Variants in NCOA2 observed in about 807,000 individuals in gnomAD.
NCOA2 encodes the protein class E basic helix-loop-helix protein 75.
In NCOA2, 21 loss-of-function variants were observed where a neutral mutation model predicts 145.1. The observed-to-expected ratio is 0.14, with a 90% CI of 0.10 to 0.21. The LOEUF is 0.21. NCOA2 is among the 10% of genes least tolerant of loss of function. The pLI is 1.00. For synonymous variants in NCOA2, 619 were observed against 637.5 expected (o/e 0.97, Z 0.44); for missense variants, 1,472 against 1,837.6 (o/e 0.80, Z 3.64).
At chr8:70,120,282 C>T (rs1397416827) in intron 22 of NCOA2, among the ~76,000 whole-genome samples, 3 of 152,208 alleles carry the variant, frequency 2.0e-5, no homozygotes, top group African/African-American at 7.2e-5. Context: ...TAAAGGGCCA[C>T]ATAGGCCCAT....
intron 4 of NCOA2, among the ~76,000 whole-genome samples, chr8:70,182,147 C>A (rs952646945): frequency 2.0e-5 from 3 of 152,220 alleles, no homozygotes; most frequent in Non-Finnish European, 4.4e-5. Context: ...CATTAATGCA[C>A]TATATATCAT....
At chr8:70,207,489 A>G (rs1389512752) in intron 4 of NCOA2, among the ~76,000 whole-genome samples, 1 of 152,264 alleles carries the variant, frequency 6.6e-6, no homozygotes, top group African/African-American at 2.4e-5. Flanking sequence ...TTCATTAGCC[A>G]TATAAGCCAT....
At chr8:70,447,271 C>T in the NCOA2 span, among the ~76,000 whole-genome samples, 9 of 152,142 alleles carry the variant, frequency 5.9e-5, no homozygotes, top group Non-Finnish European at 1.3e-4. Context: ...AGGAGCATAG[C>T]CCTCAGTCGC....
intron 12 of NCOA2, among the ~76,000 whole-genome samples, chr8:70,146,957 C>G (rs1353151095): frequency 6.6e-6 from 1 of 152,108 alleles, no homozygotes; most frequent in East Asian, 1.9e-4. Flanking sequence ...TCCCCAAGTG[C>G]TGGGATTACA....
chr8:70,296,263 A>G (rs1827086229), intron 2 of NCOA2, among the ~76,000 whole-genome samples: 1 of 152,222 alleles, frequency 6.6e-6, no homozygotes, highest in Non-Finnish European at 1.5e-5. Context: ...AAGCTATTTT[A>G]CACAGGTTGG....
At chr8:70,168,017 T>C (rs1813823745) in intron 6 of NCOA2, among the ~76,000 whole-genome samples, 1 of 152,152 alleles carries the variant, frequency 6.6e-6, no homozygotes, top group African/African-American at 2.4e-5. Flanking sequence ...CTGGGGACAG[T>C]AGGACAATAG....
rs369401104 is a variant in NCOA2, at chr8:70,296,318, A to T, written c.-20+426T>A. On this transcript the variant is annotated intron_variant, in intron 2 of 22. Coordinates refer to ENST00000452400, the MANE Select transcript of NCOA2 (RefSeq NM_006540.4). ...TGCATTTTATAACATCTACCCCTGT[A>T]AGTCTGAGATTTGCTGCTAAAATCT... Among the ~76,000 whole-genome samples, 66 of 152,330 alleles carry T rather than the reference A, an allele frequency of 4.3e-4. 2 individuals carry two copies. In the South Asian group the frequency reaches 0.014, roughly 32 times the overall value.
At chr8:70,439,309 G>A in the NCOA2 span, among the ~76,000 whole-genome samples, 4 of 152,126 alleles carry the variant, frequency 2.6e-5, no homozygotes, top group Non-Finnish European at 5.9e-5. Context: ...AGTAGTGGCC[G>A]CATGGACAAA....
chr8:70,198,079 G>C (rs1464059247), intron 4 of NCOA2, among the ~76,000 whole-genome samples: 1 of 152,170 alleles, frequency 6.6e-6, no homozygotes, highest in Non-Finnish European at 1.5e-5. Context: ...GGAATAACAG[G>C]TGTGAGTAAT....
At chr8:70,215,235 C>T (rs1165538322) in intron 3 of NCOA2, among the ~76,000 whole-genome samples, 1 of 152,098 alleles carries the variant, frequency 6.6e-6, no homozygotes, top group Non-Finnish European at 1.5e-5. Flanking sequence ...CCACCCTCCA[C>T]CCATGCCCTC....
At chr8:70,132,982 G>A (rs978619187) in intron 15 of NCOA2, among the ~76,000 whole-genome samples, 2 of 152,166 alleles carry the variant, frequency 1.3e-5, no homozygotes, top group Non-Finnish European at 2.9e-5. Flanking sequence ...AAGATAATTG[G>A]TGATGAAATC....
intron 22 of NCOA2, among the ~76,000 whole-genome samples, chr8:70,120,468 C>A (rs1057016687): frequency 9.2e-5 from 14 of 152,298 alleles, no homozygotes; most frequent in Admixed American, 6.5e-4. Context: ...CGCCTATAAT[C>A]CCAGCACTTT....
At chr8:70,242,999 A>G (rs76191859) in intron 2 of NCOA2, among the ~76,000 whole-genome samples, 19 of 152,176 alleles carry the variant, frequency 1.2e-4, no homozygotes, top group Non-Finnish European at 1.8e-4. Context: ...CGCTACCTGG[A>G]CTTCAACACC....
intron 1 of NCOA2, among the ~76,000 whole-genome samples, chr8:70,304,469 A>G (rs1013458999): frequency 1.3e-5 from 2 of 148,746 alleles, no homozygotes; most frequent in South Asian, 2.1e-4. Flanking sequence ...GACTATATGC[A>G]TATTTTTTTT....
chr8:70,287,136 C>G lies in NCOA2; in HGVS notation c.-20+9608G>C, dbSNP rs115278805. Among the ~76,000 whole-genome samples the G allele has an allele frequency of 5.9e-3, 893 of 152,144 alleles. 5 individuals carry two copies. The highest frequency in any genetic ancestry group is 0.02 in the African/African-American group (833 of 41,498). ...GTATACACCTGTAATCTCAGCTAATCAGGACACTGAGGCAGGAGGATCAAT... is the reference window on the plus strand; with the variant it reads ...GTATACACCTGTAATCTCAGCTAATGAGGACACTGAGGCAGGAGGATCAAT... On this transcript the variant is annotated intron_variant, in intron 2 of 22. Transcript: ENST00000452400.
At chr8:70,169,808 A>G (rs564580865) in intron 6 of NCOA2, among the ~76,000 whole-genome samples, 157 of 152,330 alleles carry the variant, frequency 1.0e-3, no homozygotes, top group African/African-American at 3.6e-3. Context: ...TAGTTGCCAT[A>G]TAAGTACTTT....
chr8:70,227,591 T>C lies in NCOA2; in HGVS notation c.-19-10827A>G, dbSNP rs144893278. ...CAAATTCCTAAAAACTTACTCTTCG[T>C]CAGATCATTACAATTATTCTGAACA... On this transcript the variant is annotated intron_variant, in intron 2 of 22. Transcript: ENST00000452400. 2.6e-5 allele frequency among the ~76,000 whole-genome samples: 4 copies of C among 152,338 alleles called. No individual in the cohort carries two copies. The East Asian group carries it at 7.7e-4, about 29-fold the overall frequency.
intron 2 of NCOA2, among the ~76,000 whole-genome samples, chr8:70,242,948 G>A (rs1209059758): frequency 6.6e-6 from 1 of 152,080 alleles, no homozygotes; most frequent in Non-Finnish European, 1.5e-5. Flanking sequence ...GAATTCTGAA[G>A]TGTAGCAGGA....
In NCOA2 at chr8:70,339,825, A is replaced by G. The variant is rs187717745; in HGVS notation, c.-76-43025T>C. On this transcript the variant is annotated intron_variant, in intron 1 of 22. Coordinates refer to ENST00000452400, the MANE Select transcript of NCOA2 (RefSeq NM_006540.4). ...TCTGATCTTCAACAAACCTGACAAA[A>G]ACATGCAATGGGGAAAAGATTCCCC... 7.3e-4 allele frequency among the ~76,000 whole-genome samples: 111 copies of G among 152,344 alleles called. 2 individuals are homozygous for G. Among genetic ancestry groups the G allele is most frequent in the African/African-American group, 2.6e-3 (110 of 41,578 alleles).
Sources: allele counts gnomAD v4.1 joint callset (sites outside exome capture counted in the v4.1 genomes callset), GRCh38; gene constraint gnomAD v4.1.1; transcripts MANE v1.5; gene names NCBI Gene and HGNC (gene_info 2026-07-23, HGNC 2026-07-21).